The following CTNNA3 variants were observed in gnomAD, a reference collection of about 807,000 sequenced individuals.
CTNNA3 encodes the protein catenin alpha-3.
Under a neutral mutation model 95.7 loss-of-function variants are expected in CTNNA3, and 76 were observed. The ratio of observed to expected loss-of-function variants is 0.79; its 90% CI spans 0.66 to 0.96. The LOEUF (loss-of-function observed/expected upper bound fraction) is 0.96, where lower values mean the gene tolerates loss of function less well. CTNNA3 is among the 40% of genes least tolerant of loss of function. The pLI is 0.00. For missense variants in CTNNA3, 1,191 were observed against 1,089.8 expected (o/e 1.09, Z -1.31); for synonymous variants, 431 against 374.4 (o/e 1.15, Z -1.74).
intron 1 of CTNNA3, among the ~76,000 whole-genome samples, chr10:67,682,188 G>T (rs981877766): frequency 6.6e-6 from 1 of 151,502 alleles, no homozygotes; most frequent in Non-Finnish European, 1.5e-5. Context: ...TTAGCCCAGC[G>T]TGGTGGTGGG....
chr10:67,058,451 T>C (rs372038436), intron 7 of CTNNA3, among the ~76,000 whole-genome samples: 18 of 152,344 alleles, frequency 1.2e-4, no homozygotes, highest in African/African-American at 4.3e-4. Flanking sequence ...ACAACAGCAG[T>C]AAATTAGCAG....
At chr10:67,040,835 C>T (rs139089610) in intron 7 of CTNNA3, among the ~76,000 whole-genome samples, 196 of 152,204 alleles carry the variant, frequency 1.3e-3, no homozygotes, top group African/African-American at 4.5e-3. Flanking sequence ...AAGCACACAT[C>T]AGTTCAACCT....
chr10:66,137,100 G>A (rs980208343), intron 13 of CTNNA3, among the ~76,000 whole-genome samples: 71 of 152,118 alleles, frequency 4.7e-4, no homozygotes, highest in Non-Finnish European at 7.8e-4. Flanking sequence ...TTGAGCCACC[G>A]CGCCCAGCCT....
At chr10:67,339,478 A>G (rs1009539762) in intron 5 of CTNNA3, among the ~76,000 whole-genome samples, 2 of 152,162 alleles carry the variant, frequency 1.3e-5, no homozygotes, top group Non-Finnish European at 2.9e-5. Context: ...AAAAGCCTAC[A>G]ATGTTTAGTT....
chr10:66,782,352 C>T (rs1315949353), intron 7 of CTNNA3, among the ~76,000 whole-genome samples: 1 of 152,116 alleles, frequency 6.6e-6, no homozygotes, highest in African/African-American at 2.4e-5. Flanking sequence ...GCTGATTTCC[C>T]TGTGCTTTTT....
chr10:65,961,087 C>CT (rs1488346013), intron 17 of CTNNA3, among the ~76,000 whole-genome samples: 2 of 151,778 alleles, frequency 1.3e-5, no homozygotes, highest in Admixed American at 6.6e-5. Flanking sequence ...CTTCTGGTCG[C>CT]TTTTTTTTCT....
rs2132696470 is a variant in CTNNA3, at chr10:67,369,637, A to T, written c.580-149767T>A. On this transcript the variant is annotated intron_variant, in intron 5 of 17. Transcript: ENST00000433211. Reference sequence around the variant, plus strand: ...CTCAATATTTTAAAAGCTCCTAAAAATCAGTAAGCAAAAGAAGTCCAGTAA... The same window carrying T: ...CTCAATATTTTAAAAGCTCCTAAAATTCAGTAAGCAAAAGAAGTCCAGTAA... Among the ~76,000 whole-genome samples the T allele has an allele frequency of 2.0e-5, 3 of 152,362 alleles. No homozygotes were observed. The South Asian group carries it at 6.2e-4, about 32-fold the overall frequency.
At chr10:67,432,053 T>A (rs1418888727) in intron 5 of CTNNA3, among the ~76,000 whole-genome samples, 1 of 151,948 alleles carries the variant, frequency 6.6e-6, no homozygotes, top group Non-Finnish European at 1.5e-5. Flanking sequence ...TTGAACTGAA[T>A]AAAAATGAAA....
At chr10:67,672,821 T>G (rs1353186196) in intron 1 of CTNNA3, among the ~76,000 whole-genome samples, 1 of 152,120 alleles carries the variant, frequency 6.6e-6, no homozygotes, top group Non-Finnish European at 1.5e-5. Flanking sequence ...TCTTTTGGCT[T>G]AGGATTGACT....
intron 15 of CTNNA3, among the ~76,000 whole-genome samples, chr10:66,016,279 C>A (rs1381936550): frequency 6.6e-6 from 1 of 152,174 alleles, no homozygotes; most frequent in Non-Finnish European, 1.5e-5. Flanking sequence ...AAAGACAGTG[C>A]CTTAAGAGCC....
chr10:67,248,802 G>A (rs1000641343), intron 5 of CTNNA3, among the ~76,000 whole-genome samples: 1 of 152,116 alleles, frequency 6.6e-6, no homozygotes, highest in African/African-American at 2.4e-5. Flanking sequence ...TAACAAAATG[G>A]ATCACAGACC....
chr10:67,245,855 C>CAAA (rs34908113), intron 5 of CTNNA3, among the ~76,000 whole-genome samples: 892 of 72,162 alleles, frequency 0.012, 4 homozygotes, highest in South Asian at 0.028. Context: ...ACTCTGTCTC[C>CAAA]AAAAAAAAAA....
chr10:66,581,177 T>C (rs931937283), intron 10 of CTNNA3, among the ~76,000 whole-genome samples: 2 of 151,852 alleles, frequency 1.3e-5, no homozygotes, highest in Non-Finnish European at 3.0e-5. Context: ...TGCATATCTT[T>C]GCAATTGTGA....
chr10:66,265,326 C>T (rs2091120602), intron 13 of CTNNA3, among the ~76,000 whole-genome samples: 1 of 151,998 alleles, frequency 6.6e-6, no homozygotes, highest in Non-Finnish European at 1.5e-5. Context: ...TCTCCTTTAT[C>T]ACACTAAGTC....
intron 5 of CTNNA3, among the ~76,000 whole-genome samples, chr10:67,519,897 C>G (rs112533047): frequency 1.3e-5 from 2 of 152,056 alleles, no homozygotes; most frequent in Admixed American, 1.3e-4. Context: ...GAATAGAATG[C>G]GAGATAAAAG....
At position 66,221,662 on chromosome 10, in the gene CTNNA3, A is replaced by C. The variant is rs140337005; in HGVS notation, c.1884+58808T>G. On this transcript the variant is annotated intron_variant, in intron 13 of 17. Transcript: ENST00000433211. ...TAATAGTTTTCAGGCAATTGAGAACATACTTCCATTTAACAATGACAAGAA... is the reference window on the plus strand; with the variant it reads ...TAATAGTTTTCAGGCAATTGAGAACCTACTTCCATTTAACAATGACAAGAA... Among the ~76,000 whole-genome samples, 314 of 152,336 alleles carry C rather than the reference A, an allele frequency of 2.1e-3. 1 individual carries two copies. Among genetic ancestry groups the C allele is most frequent in the African/African-American group, 7.2e-3 (300 of 41,586 alleles).
intron 2 of CTNNA3, among the ~76,000 whole-genome samples, chr10:67,621,631 C>T (rs1334206425): frequency 1.3e-5 from 2 of 152,010 alleles, no homozygotes; most frequent in Non-Finnish European, 1.5e-5. Context: ...CGCCTGTAGT[C>T]CCAGCTACTC....
chr10:66,994,593 A>C (rs1438460168), intron 7 of CTNNA3, among the ~76,000 whole-genome samples: 1 of 152,174 alleles, frequency 6.6e-6, no homozygotes, highest in African/African-American at 2.4e-5. Flanking sequence ...CCTAAAGTTC[A>C]TTATTTCAAT....
At chr10:67,119,280 C>G (rs969459336) in intron 7 of CTNNA3, among the ~76,000 whole-genome samples, 2 of 151,808 alleles carry the variant, frequency 1.3e-5, no homozygotes, top group Non-Finnish European at 2.9e-5. Context: ...GAGTAATATA[C>G]CATGATCACA....
Sources: gnomAD v4.1 joint callset for allele counts (sites outside exome capture counted in the v4.1 genomes callset) on GRCh38, gnomAD v4.1.1 for gene constraint, MANE v1.5 for transcripts, NCBI Gene and HGNC (gene_info 2026-07-23, HGNC 2026-07-21) for gene names.